PDE5A: variants seen among roughly 807,000 people sequenced by gnomAD.
PDE5A encodes cGMP-specific 3',5'-cyclic phosphodiesterase.
PDE5A carries 67 observed loss-of-function variants against 110.2 expected under a neutral mutation model. The ratio of observed to expected loss-of-function variants is 0.61; its 90% CI spans 0.50 to 0.75. The LOEUF is 0.75. Among genes scored for constraint, PDE5A ranks in the 30% least tolerant of loss-of-function variants. PDE5A has a pLI of 0.00. For synonymous variants in PDE5A, 328 were observed against 351.2 expected (o/e 0.93, Z 0.74); for missense variants, 862 against 1,045.1 (o/e 0.82, Z 2.42).
At chr4:119,605,683 G>C (rs1324188406) in intron 2 of PDE5A, among the ~76,000 whole-genome samples, 1 of 150,726 alleles carries the variant, frequency 6.6e-6, no homozygotes, top group Non-Finnish European at 1.5e-5. Context: ...TTTCCCACTA[G>C]ATGTCCTATC....
At chr4:119,540,301 T>G (rs1482889797) in intron 10 of PDE5A, among the ~76,000 whole-genome samples, 1 of 152,136 alleles carries the variant, frequency 6.6e-6, no homozygotes, top group Non-Finnish European at 1.5e-5. Flanking sequence ...AATTAAAAAT[T>G]TAAAGCCAAA....
At chr4:119,584,498 T>C (rs1435914381) in intron 3 of PDE5A, among the ~76,000 whole-genome samples, 1 of 152,200 alleles carries the variant, frequency 6.6e-6, no homozygotes, top group Non-Finnish European at 1.5e-5. Flanking sequence ...AAAACCTCTT[T>C]AGCAGCTTTC....
Position 119,565,332 on chromosome 4 carries a change from T to C in PDE5A, c.982A>G (p.Lys328Glu). Residue 328 changes from lysine (K) to glutamate (E), a missense_variant, in exon 5 of 21, where the codon AAG becomes GAG. Coordinates refer to ENST00000354960, the MANE Select transcript of PDE5A (RefSeq NM_001083.4). ...QLYETSLLEN[K>E]RNQVLLDLAS... ...GTAATCAGACTGACCTGATTTCTCT[T>C]GTTCTCCAGCAGTGAAGTCTCATAG... 1 of 1,608,478 alleles carries C rather than the reference T, an allele frequency of 6.2e-7. No individual in the cohort carries two copies. Among genetic ancestry groups the C allele is most frequent in the South Asian group, 1.1e-5 (1 of 90,782 alleles).
intron 11 of PDE5A, among the ~76,000 whole-genome samples, chr4:119,535,063 T>C (rs2257018): frequency 0.98 from 148,830 of 152,260 alleles, 72,831 homozygotes; most frequent in East Asian, 1. Flanking sequence ...GAAAGGAAGG[T>C]TGCCGGGACT....
intron 2 of PDE5A, among the ~76,000 whole-genome samples, chr4:119,602,267 A>C (rs1207433670): frequency 6.6e-6 from 1 of 152,208 alleles, no homozygotes; most frequent in Admixed American, 6.5e-5. Flanking sequence ...AGAAATAATA[A>C]GCATATATTC....
chr4:119,567,026 G>A (rs774528914), intron 4 of PDE5A, 47 bp downstream of exon 4: 1 of 1,328,732 alleles, frequency 7.5e-7, no homozygotes, highest in Non-Finnish European at 1.1e-6. Context: ...ACTATAAAGA[G>A]AAAGCATCTT....
intron 11 of PDE5A, among the ~76,000 whole-genome samples, chr4:119,534,842 A>G (rs888499355): frequency 2.0e-5 from 3 of 152,150 alleles, no homozygotes; most frequent in African/African-American, 7.2e-5. Context: ...ACCTGCAGCA[A>G]TCACACACAT....
chr4:119,600,531 G>T (rs112299847), intron 2 of PDE5A, among the ~76,000 whole-genome samples: 1 of 151,970 alleles, frequency 6.6e-6, no homozygotes, highest in Non-Finnish European at 1.5e-5. Context: ...GCTAGGGCAC[G>T]GAAAGTGTAA....
intron 1 of PDE5A, among the ~76,000 whole-genome samples, chr4:119,608,906 A>C (rs1729637224): frequency 6.6e-6 from 1 of 152,162 alleles, no homozygotes; most frequent in Non-Finnish European, 1.5e-5. Context: ...TCACGCCTGT[A>C]ATCCCAGCAC....
At chr4:119,609,859 A>G (rs1352273480) in intron 1 of PDE5A, among the ~76,000 whole-genome samples, 1 of 152,228 alleles carries the variant, frequency 6.6e-6, no homozygotes, top group Non-Finnish European at 1.5e-5. Context: ...GTATACATAC[A>G]TCAAAGCATC....
At chr4:119,598,980 T>G (rs1027788131) in intron 2 of PDE5A, among the ~76,000 whole-genome samples, 1 of 152,096 alleles carries the variant, frequency 6.6e-6, no homozygotes, top group Non-Finnish European at 1.5e-5. Flanking sequence ...TGACACCAAT[T>G]AGTGAAGTGT....
In PDE5A at chr4:119,498,238, G is replaced by A. The variant is rs1725155180; in HGVS notation, c.*363C>T. 1 of 165,264 alleles carries A rather than the reference G, an allele frequency of 6.1e-6. No homozygotes were observed. Among genetic ancestry groups the A allele is most frequent in the Admixed American group, 6.2e-5 (1 of 16,158 alleles). The allele number at this position is 165,264 out of a possible 1,614,324, so 10.2% of individuals were successfully genotyped here. A position where few individuals can be genotyped will look rare whatever the true frequency, so the allele number is the denominator to read the frequency against. ...AGATTCCAAACATTCTTGAAAAAAT[G>A]GTAATTCAGAAAACACAAAAACCAA... is the stretch of plus-strand genomic sequence containing the variant. On this transcript the variant is annotated 3_prime_UTR_variant, in exon 21 of 21. Transcript: ENST00000354960.
At position 119,552,538 on chromosome 4, in the gene PDE5A, G is replaced by C. The variant is rs1163782304; in HGVS notation, c.1396+12C>G. The C allele has an allele frequency of 5.8e-6, 7 of 1,200,070 alleles. No individual in the cohort carries two copies. The highest frequency in any genetic ancestry group is 5.7e-5 in the East Asian group (2 of 35,160). The allele number at this position is 1,200,070 out of a possible 1,614,324, so 74.3% of individuals were successfully genotyped here. On this transcript the variant is annotated intron_variant, in intron 9 of 20. Transcript: ENST00000354960. ...AATAAGTTTAGAGTATAGGTTAAAG[G>C]AAAGGTTTTACCTATAACTTTATTC... is the stretch of plus-strand genomic sequence containing the variant.
At chr4:119,588,499 T>A in intron 3 of PDE5A, among the ~76,000 whole-genome samples, 1 of 143,206 alleles carries the variant, frequency 7.0e-6, no homozygotes, top group African/African-American at 2.6e-5. Flanking sequence ...TTGAAAAAAA[T>A]TTAAAAGCAA....
At chr4:119,587,960 C>T (rs1445010723) in intron 3 of PDE5A, among the ~76,000 whole-genome samples, 2 of 152,146 alleles carry the variant, frequency 1.3e-5, no homozygotes, top group South Asian at 2.1e-4. Flanking sequence ...AAGTATTTGT[C>T]ATCAGGAGCA....
At chr4:119,621,602 A>G (rs1030207844) in intron 1 of PDE5A, among the ~76,000 whole-genome samples, 8 of 151,788 alleles carry the variant, frequency 5.3e-5, no homozygotes, top group Non-Finnish European at 1.0e-4. Context: ...TAAACAGAGT[A>G]GATAGATGAA....
At chr4:119,586,391 G>A (rs1728767219) in intron 3 of PDE5A, among the ~76,000 whole-genome samples, 1 of 152,170 alleles carries the variant, frequency 6.6e-6, no homozygotes, top group Non-Finnish European at 1.5e-5. Context: ...TAGAAGAGAA[G>A]CAAATGGAGA....
intron 9 of PDE5A, 200 bp downstream of exon 9, chr4:119,552,347 GATA>G (rs1727386202): frequency 2.8e-5 from 9 of 316,534 alleles, no homozygotes; most frequent in Non-Finnish European, 5.7e-6. Context: ...GCTGAAATAG[GATA>G]ATAATTATAA....
intron 8 of PDE5A, among the ~76,000 whole-genome samples, 158 bp from the exon 9 acceptor site, chr4:119,552,795 A>G (rs1447679861): frequency 6.6e-6 from 1 of 152,146 alleles, no homozygotes; most frequent in Non-Finnish European, 1.5e-5. Context: ...ATTATAATGA[A>G]GTTCACATAA....
Sources: gnomAD v4.1 joint callset for allele counts (sites outside exome capture counted in the v4.1 genomes callset) on GRCh38, gnomAD v4.1.1 for gene constraint, MANE v1.5 for transcripts, NCBI Gene and HGNC (gene_info 2026-07-23, HGNC 2026-07-21) for gene names.